The following NOB1 variants were observed in gnomAD, a reference collection of about 807,000 sequenced individuals.
The protein encoded by NOB1 is RNA-binding protein NOB1.
Under a neutral mutation model 44.8 loss-of-function variants are expected in NOB1, and 44 were observed. That is an observed-to-expected ratio of 0.98 (90% CI 0.77 to 1.26). The LOEUF is 1.26. NOB1 is among the 50% of genes most tolerant of loss of function. The pLI, the probability that NOB1 is intolerant of heterozygous loss-of-function variation, is 0.00. For missense variants in NOB1, 560 were observed against 544.8 expected (o/e 1.03, Z -0.28); for synonymous variants, 238 against 218.7 (o/e 1.09, Z -0.78).
rs60472175 is a variant in NOB1 at position 69,752,064 on chromosome 16, CA to C, written c.327+176del. 3.5e-3 allele frequency among the ~76,000 whole-genome samples: 487 copies of C among 139,242 alleles called. 6 individuals are homozygous for C. The highest frequency in any genetic ancestry group is 7.4e-3 in the African/African-American group (282 of 37,952). 91.3% of individuals were successfully genotyped at this position (139,242 alleles called of 152,430 possible). On this transcript the variant is annotated intron_variant, in intron 3 of 8. Coordinates refer to ENST00000268802, the MANE Select transcript of NOB1 (RefSeq NM_014062.3). ...TGGGCGACAGAGCAAGACTCTATCT[CA>C]AAAAAAAAAAAGTACTCAGGGCTGT...
In NOB1 at chr16:69,742,321, G is replaced by A. The variant is rs1276387012; in HGVS notation, c.*11C>T. The A allele has an allele frequency of 1.2e-6, 2 of 1,605,496 alleles. No homozygotes were observed. Among genetic ancestry groups the A allele is most frequent in the African/African-American group, 2.7e-5 (2 of 74,684 alleles). On this transcript the variant is annotated 3_prime_UTR_variant, in exon 9 of 9. Coordinates refer to ENST00000268802, the MANE Select transcript of NOB1 (RefSeq NM_014062.3). ...AGACGCCCATCCAATTTGCCTGCGG[G>A]AACTCGCTCTTCACCTTTTCTTCAC...
In NOB1 at chr16:69,742,315, C is replaced by G. The variant is rs200704281; in HGVS notation, c.*17G>C. 4.3e-3 allele frequency: 6,865 copies of G among 1,603,666 alleles called. 35 individuals are homozygous for G. The highest frequency in any genetic ancestry group is 5.2e-3 in the Non-Finnish European group (6,079 of 1,172,042). On this transcript the variant is annotated 3_prime_UTR_variant, in exon 9 of 9. Coordinates refer to ENST00000268802, the MANE Select transcript of NOB1 (RefSeq NM_014062.3). ...GCGGCCAGACGCCCATCCAATTTGC[C>G]TGCGGGAACTCGCTCTTCACCTTTT... is the stretch of plus-strand genomic sequence containing the variant.
In NOB1 at chr16:69,749,604, G is replaced by A. The variant is rs1468365707; in HGVS notation, c.354C>T (p.His118=). Residue 118 remains histidine, a synonymous_variant, in exon 4 of 9, where the codon CAC becomes CAT. Transcript: ENST00000268802. ...CAGAAATGTGCAGAGGTGTTTCTGG[G>A]TGCTGAATCGATGAGCTCACCTTAA... ...QKVKVSSSIQ[H]PETPLHISGF... 2 of 1,613,276 alleles carry A rather than the reference G, an allele frequency of 1.2e-6. No homozygotes were observed. Among genetic ancestry groups the A allele is most frequent in the Non-Finnish European group, 1.7e-6 (2 of 1,179,762 alleles).
At chr16:69,749,469 T>C (rs776916412) in intron 4 of NOB1, 90 bp downstream of exon 4, 94 of 1,531,546 alleles carry the variant, frequency 6.1e-5, no homozygotes, top group Non-Finnish European at 7.8e-5. Context: ...TTGGTCCGCG[T>C]AAATTTAGTT....
rs1337242239 is a variant in NOB1 at position 69,742,439 on chromosome 16, T to C, written c.1132A>G (p.Ile378Val). The change falls in exon 9 of 9, where the codon ATC (isoleucine) becomes GTC (valine). Residue 378 changes from isoleucine (I) to valine (V), a missense_variant. Physicochemically the swap from Ile to Val is conservative, Grantham distance 29. Coordinates refer to ENST00000268802, the MANE Select transcript of NOB1 (RefSeq NM_014062.3). ...AGVSPFVEND[I>V]SSRSATLQVR... is the part of the protein sequence containing the mutation. ...TGCAGGGTAGCTGAGCGGCTGGAGA[T>C]GTCATTCTCGACAAAGGGTGACACC... 1.2e-6 allele frequency: 2 copies of C among 1,614,222 alleles called. No homozygotes were observed. The highest frequency in any genetic ancestry group is 2.2e-5 in the East Asian group (1 of 44,884).
intron 6 of NOB1, chr16:69,748,702 G>T: frequency 1.9e-6 from 1 of 539,712 alleles, no homozygotes; most frequent in Non-Finnish European, 3.2e-6. Context: ...ATCATAAATA[G>T]TAAACGTTAA....
Position 69,754,616 on chromosome 16 carries a change from G to C in NOB1, c.174C>G (p.Pro58=). 1 of 1,614,146 alleles carries C rather than the reference G, an allele frequency of 6.2e-7. No individual in the cohort carries two copies. Among genetic ancestry groups the C allele is most frequent in the Non-Finnish European group, 8.5e-7 (1 of 1,180,038 alleles). Residue 58 remains proline, a synonymous_variant, in exon 2 of 9, where the codon CCC becomes CCG. Transcript: ENST00000268802. ...CACCCAGCCGCACGTATTCCGGTAAGGGCTCCTTGAACCGCAGCTCGTAGG... is the reference window on the plus strand; with the variant it reads ...CACCCAGCCGCACGTATTCCGGTAACGGCTCCTTGAACCGCAGCTCGTAGG... ...VLPYELRFKE[P]LPEYVRLVTE... is the part of the protein sequence containing the mutation.
In NOB1 at chr16:69,752,304, T is replaced by A. The variant is rs113614011; in HGVS notation, c.264A>T (p.Ala88=). 4.3e-3 allele frequency: 6,887 copies of A among 1,613,738 alleles called. 156 individuals are homozygous for A. The African/African-American group carries it at 0.06, about 14-fold the overall frequency. ...SLSATDIQVL[A]LTYQLEAEFV... ...ACTCTGCTTCCAACTGGTATGTGAGTGCAAGCACTTGGATGTCCGTGGCAG... is the reference window on the plus strand; with the variant it reads ...ACTCTGCTTCCAACTGGTATGTGAGAGCAAGCACTTGGATGTCCGTGGCAG... The change falls in exon 3 of 9, where the codon GCA becomes GCT. Residue 88 remains alanine (A), a synonymous_variant. Transcript: ENST00000268802.
Position 69,749,626 on chromosome 16 carries a change from T to C in NOB1, c.332A>G (p.Lys111Arg). ...TGGGTGCTGAATCGATGAGCTCACC[T>C]TAACCTTTAAAAAAACAAAAAACAT... ...SHLKQEPQKV[K>R]VSSSIQHPET... The change falls in exon 4 of 9, where the codon AAG (lysine) becomes AGG (arginine). Residue 111 changes from lysine to arginine, a missense_variant. Physicochemically the swap from Lys to Arg is conservative, Grantham distance 26. Coordinates refer to ENST00000268802, the MANE Select transcript of NOB1 (RefSeq NM_014062.3). 6.3e-7 allele frequency: 1 copy of C among 1,598,322 alleles called. No individual in the cohort carries two copies. The highest frequency in any genetic ancestry group is 8.5e-7 in the Non-Finnish European group (1 of 1,175,878).
At chr16:69,743,487 C>T (rs1405241182) in intron 8 of NOB1, among the ~76,000 whole-genome samples, 2 of 152,190 alleles carry the variant, frequency 1.3e-5, no homozygotes, top group African/African-American at 2.4e-5. Context: ...GTAAATTAGA[C>T]AATTAGCATT....
intron 1 of NOB1, 34 bp downstream of exon 1, chr16:69,754,814 A>G: frequency 6.2e-7 from 1 of 1,608,378 alleles, no homozygotes; most frequent in Non-Finnish European, 8.5e-7. Flanking sequence ...CGGCCAGCCC[A>G]GATCTCTCTC....
intron 1 of NOB1, 41 bp from the exon 2 acceptor site, chr16:69,754,767 G>A: frequency 6.2e-7 from 1 of 1,613,142 alleles, no homozygotes; most frequent in Non-Finnish European, 8.5e-7. Flanking sequence ...CCCGCACCAA[G>A]CAACGCTCCG....
intron 6 of NOB1, chr16:69,748,672 G>GA (rs145944004): frequency 0.036 from 18,285 of 514,676 alleles, 379 homozygotes; most frequent in South Asian, 0.071. Flanking sequence ...TATATATACT[G>GA]AAAAAAAAAT....
chr16:69,748,356 C>A, intron 6 of NOB1, 27 bp from the exon 7 acceptor site: 2 of 1,584,472 alleles, frequency 1.3e-6, no homozygotes, highest in South Asian at 2.2e-5. Context: ...AAGAAGAAAT[C>A]AATTTTCTTT....
intron 2 of NOB1, among the ~76,000 whole-genome samples, chr16:69,753,221 CA>C (rs796303805): frequency 3.9e-4 from 56 of 141,992 alleles, no homozygotes; most frequent in African/African-American, 3.6e-4. Flanking sequence ...GACTCCATCT[CA>C]AAAAAAAAAA....
chr16:69,752,189 C>A (rs8045682), intron 3 of NOB1, 52 bp downstream of exon 3: 342,522 of 1,563,294 alleles, frequency 0.22, 41,373 homozygotes, highest in Admixed American at 0.38. Context: ...CTTTTGTATA[C>A]CTGACAGTTC....
intron 3 of NOB1, among the ~76,000 whole-genome samples, chr16:69,752,025 G>A (rs368472032): frequency 5.3e-5 from 8 of 151,290 alleles, no homozygotes; most frequent in South Asian, 2.1e-4. Flanking sequence ...AGATCACGCC[G>A]TTGCACTCCA....
At chr16:69,744,256 G>C (rs1385173242) in intron 8 of NOB1, among the ~76,000 whole-genome samples, 1 of 152,212 alleles carries the variant, frequency 6.6e-6, no homozygotes, top group Non-Finnish European at 1.5e-5. Context: ...CAGAGGTGGA[G>C]TTTCAGTGAG....
chr16:69,752,464 C>T (rs1023490562), intron 2 of NOB1, 93 bp from the exon 3 acceptor site: 4 of 1,263,008 alleles, frequency 3.2e-6, no homozygotes, highest in Non-Finnish European at 4.5e-6. Context: ...TAGAACAGAT[C>T]AAAATAATGG....
Sources: allele counts gnomAD v4.1 joint callset (sites outside exome capture counted in the v4.1 genomes callset), GRCh38; gene constraint gnomAD v4.1.1; transcripts MANE v1.5; gene names NCBI Gene and HGNC (gene_info 2026-07-23, HGNC 2026-07-21).